Variants in DACH2 observed in about 807,000 individuals in gnomAD.
DACH2 encodes dachshund homolog 2.
Under a neutral mutation model 35.8 loss-of-function variants are expected in DACH2, and 17 were observed. That is an observed-to-expected ratio of 0.48 (90% CI 0.33 to 0.71). The LOEUF (loss-of-function observed/expected upper bound fraction) is 0.71, where lower values mean the gene tolerates loss of function less well. Ranked by LOEUF, DACH2 falls within the 30% of genes least tolerant of loss-of-function variation. The probability of loss-of-function intolerance (pLI) is 0.02; values close to 1 mark genes in which losing one functional copy is unlikely to be tolerated. For synonymous variants in DACH2, 195 were observed against 177.3 expected (o/e 1.10, Z -0.79); for missense variants, 469 against 472.7 (o/e 0.99, Z 0.07).
chrX:86,259,364 A>C (rs769999688), intron 1 of DACH2, among the ~76,000 whole-genome samples: 1 of 111,795 alleles, frequency 8.9e-6, no homozygotes, highest in East Asian at 2.8e-4. Flanking sequence ...TTAAACACAC[A>C]ATTTACATAT....
At position 86,759,945 on chromosome X, in the gene DACH2, T is replaced by G. The variant is rs1398179218; in HGVS notation, c.1240+20063T>G. ...CAACTCTTGTTTAGCTGGGAAAAAA[T>G]TATTTCTTCTTAATATATGAAGTAT... is the stretch of plus-strand genomic sequence containing the variant. On this transcript the variant is annotated intron_variant, in intron 7 of 11. Coordinates refer to ENST00000373125, the MANE Select transcript of DACH2 (RefSeq NM_053281.3). 4.5e-5 allele frequency among the ~76,000 whole-genome samples: 5 copies of G among 111,922 alleles called. No homozygotes were observed. In the Admixed American group the frequency reaches 4.7e-4, roughly 11 times the overall value.
In DACH2 at chrX:86,822,725, T is replaced by C. The variant is rs368244853; in HGVS notation, c.1750+6626T>C. Among the ~76,000 whole-genome samples the C allele has an allele frequency of 8.1e-5, 9 of 111,649 alleles. No homozygotes were observed. In the East Asian group the frequency reaches 2.5e-3, roughly 31 times the overall value. ...CATCATAGTTAATTAAACGAAATAG[T>C]CTAAAACCGGGTGTAATTTAATAAT... On this transcript the variant is annotated intron_variant, in intron 11 of 11. Coordinates refer to ENST00000373125, the MANE Select transcript of DACH2 (RefSeq NM_053281.3).
intron 3 of DACH2, among the ~76,000 whole-genome samples, chrX:86,586,647 G>C (rs1207528850): frequency 9.0e-6 from 1 of 111,699 alleles, no homozygotes; most frequent in African/African-American, 3.2e-5. Flanking sequence ...CATGTGACTA[G>C]ACTGTTATCC....
intron 1 of DACH2, among the ~76,000 whole-genome samples, chrX:86,169,696 A>T (rs1370616002): frequency 2.7e-5 from 3 of 109,887 alleles, no homozygotes; most frequent in Non-Finnish European, 5.7e-5. Flanking sequence ...GATTATTTTC[A>T]ATTGTTTTAA....
intron 2 of DACH2, among the ~76,000 whole-genome samples, chrX:86,421,339 C>T (rs1236172564): frequency 9.0e-6 from 1 of 110,913 alleles, no homozygotes; most frequent in Non-Finnish European, 1.9e-5. Context: ...TAAAGCAGCC[C>T]TAGGAGTTTG....
intron 1 of DACH2, among the ~76,000 whole-genome samples, chrX:86,361,851 A>G (rs2035743846): frequency 1.8e-5 from 2 of 111,237 alleles, no homozygotes; most frequent in Non-Finnish European, 3.8e-5. Context: ...ATTAAGTTCA[A>G]TATGGCAGAT....
In DACH2 at chrX:86,376,850, A is replaced by G. The variant is rs1261379318; in HGVS notation, c.515A>G (p.Gln172Arg). 3 of 883,176 alleles carry G rather than the reference A, an allele frequency of 3.4e-6. No homozygotes were observed. The highest frequency in any genetic ancestry group is 2.3e-5 in the Admixed American group (1 of 42,899). The allele number at this position is 883,176 out of a possible 1,213,427, so 72.8% of individuals were successfully genotyped here. A position where few individuals can be genotyped will look rare whatever the true frequency, so the allele number is the denominator to read the frequency against. ...AGGAAGAGGCAAATGACAAGAAAAC[A>G]AGCTGTTAACAGGTATTTATGTATT... Reference protein sequence around the residue: ...ARRKRQMTRKQAVNSSRPGRP... With the variant: ...ARRKRQMTRKRAVNSSRPGRP... The change falls in exon 2 of 12, where the codon CAA (glutamine) becomes CGA (arginine). Residue 172 changes from glutamine (Q) to arginine (R), a missense_variant. Transcript: ENST00000373125.
chrX:86,629,948 G>A (rs1331518801), intron 3 of DACH2, among the ~76,000 whole-genome samples: 2 of 111,451 alleles, frequency 1.8e-5, no homozygotes, highest in Admixed American at 1.9e-4. Context: ...ATTACCCAAT[G>A]AGAGAACAGA....
intron 4 of DACH2, among the ~76,000 whole-genome samples, chrX:86,677,648 C>G (rs2040837818): frequency 8.9e-6 from 1 of 112,055 alleles, no homozygotes; most frequent in South Asian, 3.7e-4. Flanking sequence ...TGAGAAACAA[C>G]TTTACCAAAC....
chrX:86,730,017 T>C (rs1327290884), intron 6 of DACH2, among the ~76,000 whole-genome samples: 3 of 110,379 alleles, frequency 2.7e-5, no homozygotes, highest in Non-Finnish European at 5.7e-5. Flanking sequence ...TAAAAATCCC[T>C]GGGGTTAAAA....
intron 1 of DACH2, among the ~76,000 whole-genome samples, chrX:86,311,689 G>A (rs761417746): frequency 1.5e-4 from 17 of 111,084 alleles, no homozygotes; most frequent in African/African-American, 3.6e-4. Context: ...AGGGAGGAAC[G>A]TTGCCACCAG....
intron 6 of DACH2, among the ~76,000 whole-genome samples, chrX:86,731,047 A>G (rs952628315): frequency 4.5e-5 from 5 of 111,775 alleles, no homozygotes; most frequent in Non-Finnish European, 9.4e-5. Context: ...TGGTGTACTT[A>G]TTCATGAACT....
rs1236949321 is a variant in DACH2, at chrX:86,204,765, A to C, written c.488+55657A>C. 8.1e-5 allele frequency among the ~76,000 whole-genome samples: 9 copies of C among 111,745 alleles called. 1 individual carries two copies. The Admixed American group carries it at 8.6e-4, about 11-fold the overall frequency. On this transcript the variant is annotated intron_variant, in intron 1 of 11. Coordinates refer to ENST00000373125, the MANE Select transcript of DACH2 (RefSeq NM_053281.3). ...TCCAAAGCCTTTTATCCATGATCTG[A>C]TTTATATTGGCACTCACAGCAGCAG...
chrX:86,499,611 A>G (rs1027407946), intron 2 of DACH2, among the ~76,000 whole-genome samples: 3 of 111,753 alleles, frequency 2.7e-5, no homozygotes, highest in Non-Finnish European at 5.6e-5. Flanking sequence ...CATTTTCACA[A>G]CTGCTAAATG....
intron 1 of DACH2, among the ~76,000 whole-genome samples, chrX:86,247,060 T>C (rs1437150768): frequency 3.6e-5 from 4 of 111,168 alleles, no homozygotes; most frequent in African/African-American, 1.3e-4. Flanking sequence ...TTTAAACCAA[T>C]GAAGATGAAA....
chrX:86,737,871 T>C (rs1316740560), intron 6 of DACH2, among the ~76,000 whole-genome samples: 1 of 111,565 alleles, frequency 9.0e-6, no homozygotes, highest in African/African-American at 3.3e-5. Flanking sequence ...AGGTAGTGAG[T>C]ATAGTGTCTA....
chrX:86,673,335 CAAAAAAAAAAAA>C lies in DACH2; in HGVS notation c.773-21673_773-21662del, dbSNP rs56877612. 6.9e-5 allele frequency among the ~76,000 whole-genome samples: 3 copies of C among 43,194 alleles called. No homozygotes were observed. The South Asian group carries it at 7.2e-3, about 104-fold the overall frequency. The allele number at this position is 43,194 out of a possible 115,157, so 37.5% of individuals were successfully genotyped here. A position where few individuals can be genotyped will look rare whatever the true frequency, so the allele number is the denominator to read the frequency against. ...CTGGGGACAGAGCGAGACTCCGTCT[CAAAAAAAAAAAA>C]AAAAAAAAAAAAGAAGAAGAAGAAT... is the stretch of plus-strand genomic sequence containing the variant. On this transcript the variant is annotated intron_variant, in intron 4 of 11. Coordinates refer to ENST00000373125, the MANE Select transcript of DACH2 (RefSeq NM_053281.3).
chrX:86,272,552 T>G (rs758333707), intron 1 of DACH2, among the ~76,000 whole-genome samples: 9 of 111,482 alleles, frequency 8.1e-5, no homozygotes, highest in Non-Finnish European at 1.3e-4. Flanking sequence ...AATTTTAGAT[T>G]GGAGTAGATT....
chrX:86,312,529 T>A (rs1017231753), intron 1 of DACH2, among the ~76,000 whole-genome samples: 1 of 111,654 alleles, frequency 9.0e-6, no homozygotes, highest in African/African-American at 3.3e-5. Context: ...TGTGTCTGTG[T>A]GGGTGTTGCC....
Sources: gnomAD v4.1 joint callset for allele counts (sites outside exome capture counted in the v4.1 genomes callset) on GRCh38, gnomAD v4.1.1 for gene constraint, MANE v1.5 for transcripts, NCBI Gene and HGNC (gene_info 2026-07-23, HGNC 2026-07-21) for gene names.